TNS2: variants seen among roughly 807,000 people sequenced by gnomAD.
TNS2 encodes the protein tensin 2, also known as tensin-2.
A neutral mutation model predicts 155.7 loss-of-function variants in TNS2; 77 were observed. The ratio of observed to expected loss-of-function variants is 0.49; its 90% confidence interval spans 0.41 to 0.60. TNS2 has a LOEUF of 0.60. Ranked by LOEUF, TNS2 falls within the 20% of genes least tolerant of loss-of-function variation. The pLI, the probability that TNS2 is intolerant of heterozygous loss-of-function variation, is 0.00. For synonymous variants in TNS2, 726 were observed against 763.9 expected (o/e 0.95, Z 0.82); for missense variants, 1,703 against 1,868.8 (o/e 0.91, Z 1.64).
rs1201838004 is a variant in TNS2, at chr12:53,063,491, A to AGCCCCGGCCCCG, written c.4062-66_4062-55dup. 2 of 815,642 alleles carry AGCCCCGGCCCCG rather than the reference A, an allele frequency of 2.5e-6. No homozygotes were observed. The highest frequency in any genetic ancestry group is 3.7e-6 in the Non-Finnish European group (2 of 534,980). The allele number at this position is 815,642 out of a possible 1,614,324, so 50.5% of individuals were successfully genotyped here. A position where few individuals can be genotyped will look rare whatever the true frequency, so the allele number is the denominator to read the frequency against. On this transcript the variant is annotated intron_variant, in intron 27 of 28. Coordinates refer to ENST00000314250, the MANE Select transcript of TNS2 (RefSeq NM_170754.4). This position sits in a 1 kb window ranked among gnomAD's most constrained non-coding sequence, Gnocchi z 5.6. The stretch of plus-strand genomic sequence containing the variant: ...GGTCCCAGCTCCCAGCCCCAGCCCC[A>AGCCCCGGCCCCG]GCCCCGGCCCCGGCCCCCCTTCAGC...
chr12:53,054,361 C>T lies in TNS2; in HGVS notation c.442C>T (p.Arg148Trp), dbSNP rs1432314005. ...ERILAAAFPARPDEQRHRGHL... is the reference protein window; with the variant it reads ...ERILAAAFPAWPDEQRHRGHL... Reference sequence around the variant, plus strand: ...CATCTTGGCCGCCGCCTTCCCCGCGCGGCCCGATGAACAGCGGCACCGGGG... The same window carrying T: ...CATCTTGGCCGCCGCCTTCCCCGCGTGGCCCGATGAACAGCGGCACCGGGG... Residue 148 changes from arginine (R) to tryptophan (W), a missense_variant, in exon 7 of 29, where the codon CGG (arginine) becomes TGG (tryptophan). Coordinates refer to ENST00000314250, the MANE Select transcript of TNS2 (RefSeq NM_170754.4). 1 of 1,612,572 alleles carries T rather than the reference C, an allele frequency of 6.2e-7. No homozygotes were observed. The highest frequency in any genetic ancestry group is 8.5e-7 in the Non-Finnish European group (1 of 1,179,770).
At chr12:53,048,022 C>A (rs1943789826), upstream of TNS2, among the ~76,000 whole-genome samples, 1 of 152,136 alleles carries the variant, frequency 6.6e-6, no homozygotes, top group African/African-American at 2.4e-5. Flanking sequence ...AGAGAGGGGG[C>A]CCGGCTGGGG....
At position 53,056,707 on chromosome 12, in the gene TNS2, C is replaced by T. The variant is rs545334723; in HGVS notation, c.762-306C>T. The stretch of plus-strand genomic sequence containing the variant: ...TCATCTTAACTAATTATGTCTGCAA[C>T]GGCCCTATTTCCAAATAAGGTCACA... On this transcript the variant is annotated intron_variant, in intron 10 of 28. Coordinates refer to ENST00000314250, the MANE Select transcript of TNS2 (RefSeq NM_170754.4). Among the ~76,000 whole-genome samples the T allele has an allele frequency of 1.2e-4, 19 of 152,310 alleles. No homozygotes were observed. In the East Asian group the frequency reaches 2.9e-3, roughly 23 times the overall value.
chr12:53,051,835 GTT>G lies in TNS2; in HGVS notation c.76-18_76-17del. Reference sequence around the variant, plus strand: ...GGGCCCACTGGGAACTCACACCTCTGTTTGTCCCTCCACCTTCAGCCTAGGAA... The same window carrying G: ...GGGCCCACTGGGAACTCACACCTCTGTGTCCCTCCACCTTCAGCCTAGGAA... On this transcript the variant is annotated intron_variant, in intron 1 of 28. Transcript: ENST00000314250. 6.2e-7 allele frequency: 1 copy of G among 1,603,270 alleles called. No homozygotes were observed. The highest frequency in any genetic ancestry group is 8.5e-7 in the Non-Finnish European group (1 of 1,172,876).
At chr12:53,062,816 C>T (rs1445822267) in intron 25 of TNS2, 119 bp downstream of exon 25, 4 of 1,239,884 alleles carry the variant, frequency 3.2e-6, no homozygotes, top group Middle Eastern at 1.9e-4. Flanking sequence ...CCCATGAGGG[C>T]AGGGGAGCCC....
chr12:53,048,600 C>G (rs1398959782), upstream of TNS2, among the ~76,000 whole-genome samples: 5 of 152,260 alleles, frequency 3.3e-5, no homozygotes, highest in East Asian at 7.7e-4. Context: ...TCACAGAGCC[C>G]GTGCTCCTCT....
intron 4 of TNS2, 146 bp from the exon 5 acceptor site, chr12:53,053,628 C>A: frequency 1.4e-6 from 2 of 1,386,318 alleles, no homozygotes; most frequent in Non-Finnish European, 9.9e-7. Context: ...TGCCCTTGGG[C>A]CTGCTGGGGG....
chr12:53,063,370 T>G lies in TNS2; in HGVS notation c.4014T>G (p.Tyr1338Ter). The G allele has an allele frequency of 6.2e-7, 1 of 1,614,078 alleles. No individual in the cohort carries two copies. The highest frequency in any genetic ancestry group is 8.5e-7 in the Non-Finnish European group (1 of 1,179,996). Reference protein sequence around the residue: ...NQRKLFFRRHYPVNSITFSST... With the variant: ...NQRKLFFRRH ...GCAGGCTCTTCTTTCGCCGCCATTA[T>G]CCAGTGAACAGCATCACCTTCTCCA... Residue 1338 changes from tyrosine to a stop codon, truncating the protein, a stop_gained, in exon 27 of 29, where the codon TAT becomes TAG. Transcript: ENST00000314250. LOFTEE classifies it high-confidence loss of function. The surrounding 1 kb of genome is among the most constrained non-coding windows in gnomAD (Gnocchi z 5.6).
chr12:53,057,905 C>T, intron 13 of TNS2, 72 bp downstream of exon 13: 1 of 1,610,964 alleles, frequency 6.2e-7, no homozygotes, highest in Non-Finnish European at 8.5e-7. Flanking sequence ...TCCTGCTTCT[C>T]CAGCCTCCCT....
intron 22 of TNS2, 29 bp downstream of exon 22, chr12:53,061,969 G>T: frequency 5.6e-6 from 9 of 1,609,094 alleles, no homozygotes; most frequent in Non-Finnish European, 7.6e-6. Flanking sequence ...TGAGTGGGGT[G>T]GGGATGAAGT....
Position 53,063,844 on chromosome 12 carries a change from A to T in TNS2, c.4192A>T (p.Thr1398Ser). The change falls in exon 29 of 29, where the codon ACC becomes TCC. Residue 1398 changes from threonine (T) to serine (S), a missense_variant. Coordinates refer to ENST00000314250, the MANE Select transcript of TNS2 (RefSeq NM_170754.4). The surrounding 1 kb of genome is among the most constrained non-coding windows in gnomAD (Gnocchi z 5.6). ...AGATCAGCCTGCTGGCGCCATTGTC[A>T]CCTTCATCACCAAAGTTCTACTGGG... is the stretch of plus-strand genomic sequence containing the variant. ...DPDQPAGAIV[T>S]FITKVLLGQR... is the part of the protein sequence containing the mutation. The T allele has an allele frequency of 6.2e-7, 1 of 1,613,954 alleles. No homozygotes were observed. The highest frequency in any genetic ancestry group is 8.5e-7 in the Non-Finnish European group (1 of 1,179,996).
rs775519332 is a variant in TNS2, at chr12:53,063,455, T to C, written c.4061+38T>C. ...CCAAACCCTTTGCCCCAAATCCCCATGGTCCCACCAGGTCCCAGCTCCCAG... is the reference window on the plus strand; with the variant it reads ...CCAAACCCTTTGCCCCAAATCCCCACGGTCCCACCAGGTCCCAGCTCCCAG... On this transcript the variant is annotated intron_variant, in intron 27 of 28. Transcript: ENST00000314250. The surrounding 1 kb of genome is among the most constrained non-coding windows in gnomAD (Gnocchi z 5.6). The C allele has an allele frequency of 6.2e-7, 1 of 1,613,054 alleles. No homozygotes were observed. The highest frequency in any genetic ancestry group is 8.5e-7 in the Non-Finnish European group (1 of 1,179,938).
Position 53,060,059 on chromosome 12 carries a change from T to C in TNS2, c.2418T>C (p.Pro806=). ...PSYCPAYGRV[P]HSCGSPGEGR... ...ACTGCCCAGCATATGGCCGTGTGCC[T>C]CATAGCTGTGGCTCTCCAGGAGAGG... The change falls in exon 18 of 29, where the codon CCT becomes CCC. Residue 806 remains proline (P), a synonymous_variant. Coordinates refer to ENST00000314250, the MANE Select transcript of TNS2 (RefSeq NM_170754.4). This position sits in a 1 kb window ranked among gnomAD's most constrained non-coding sequence, Gnocchi z 6.1. The C allele has an allele frequency of 1.2e-6, 2 of 1,613,250 alleles. No individual in the cohort carries two copies. The highest frequency in any genetic ancestry group is 8.5e-7 in the Non-Finnish European group (1 of 1,179,782).
chr12:53,062,262 T>G lies in TNS2; in HGVS notation c.3667+17T>G. On this transcript the variant is annotated intron_variant, in intron 23 of 28. Transcript: ENST00000314250. ...CCTACTTTGGTGAGAAGCAGGAGCCTGGGGAAGGCTACGTTGGGTCGGTTT... is the reference window on the plus strand; with the variant it reads ...CCTACTTTGGTGAGAAGCAGGAGCCGGGGGAAGGCTACGTTGGGTCGGTTT... The G allele has an allele frequency of 1.9e-6, 3 of 1,613,566 alleles. No homozygotes were observed. The East Asian group carries it at 6.7e-5, about 36-fold the overall frequency.
chr12:53,051,983 G>T lies in TNS2; in HGVS notation c.184+20G>T. The T allele has an allele frequency of 6.3e-7, 1 of 1,590,848 alleles. No homozygotes were observed. Among genetic ancestry groups the T allele is most frequent in the South Asian group, 1.1e-5 (1 of 90,098 alleles). On this transcript the variant is annotated intron_variant, in intron 2 of 28. Coordinates refer to ENST00000314250, the MANE Select transcript of TNS2 (RefSeq NM_170754.4). The stretch of plus-strand genomic sequence containing the variant: ...GCAGAGGTGAGGCTCTCTGTCCTGT[G>T]ACTCTGAGACCCTCCACCCAGTACC...
Position 53,060,956 on chromosome 12 carries a change from G to C in TNS2, c.3050G>C (p.Trp1017Ser). ...TTLPGLRHAP[W>S]QGPRGPPDSP... Reference sequence around the variant, plus strand: ...CTTCCTGGCCTCCGCCACGCCCCCTGGCAAGGCCCTCGAGGCCCCCCCGAC... The same window carrying C: ...CTTCCTGGCCTCCGCCACGCCCCCTCGCAAGGCCCTCGAGGCCCCCCCGAC... The change falls in exon 20 of 29, where the codon TGG becomes TCG. Residue 1017 changes from tryptophan (W) to serine (S), a missense_variant. Transcript: ENST00000314250. This position sits in a 1 kb window ranked among gnomAD's most constrained non-coding sequence, Gnocchi z 6.1. 6.2e-7 allele frequency: 1 copy of C among 1,604,944 alleles called. No individual in the cohort carries two copies. Among genetic ancestry groups the C allele is most frequent in the Non-Finnish European group, 8.5e-7 (1 of 1,176,202 alleles).
chr12:53,062,909 G>T, intron 25 of TNS2, 180 bp from the exon 26 acceptor site: 1 of 956,754 alleles, frequency 1.0e-6, no homozygotes. Context: ...GTGGTAGCAG[G>T]GAGGCTTCTC....
At chr12:53,055,263 A>T in intron 8 of TNS2, 27 bp downstream of exon 8, 1 of 1,611,678 alleles carries the variant, frequency 6.2e-7, no homozygotes, top group Non-Finnish European at 8.5e-7. Flanking sequence ...CTGCCCAACC[A>T]TTAAACCAAG....
In TNS2 at chr12:53,060,799, GGGCCTGAGCCTCT is replaced by G; in HGVS notation, c.2898_2910del (p.Glu967LeufsTer184). ...GGCCCCTGAGCTGCCGTCGGGAAGT[GGGCCTGAGCCTCT>G]GGCCCCTAGCCCAGTCTCTCCGACC... On this transcript the variant is annotated frameshift_variant, in exon 20 of 29. Coordinates refer to ENST00000314250, the MANE Select transcript of TNS2 (RefSeq NM_170754.4). LOFTEE classifies it high-confidence loss of function. This position sits in a 1 kb window ranked among gnomAD's most constrained non-coding sequence, Gnocchi z 6.1. The G allele has an allele frequency of 6.2e-6, 10 of 1,612,016 alleles. No homozygotes were observed. Among genetic ancestry groups the G allele is most frequent in the Non-Finnish European group, 8.5e-6 (10 of 1,179,028 alleles).
Sources: allele counts gnomAD v4.1 joint callset (sites outside exome capture counted in the v4.1 genomes callset), GRCh38; gene constraint gnomAD v4.1.1; non-coding constraint Gnocchi (gnomAD v3.1); transcripts MANE v1.5; gene names NCBI Gene and HGNC (gene_info 2026-07-23, HGNC 2026-07-21).